Variants in DEPTOR observed in about 807,000 individuals in gnomAD.
DEPTOR encodes the protein DEP domain-containing mTOR-interacting protein.
In DEPTOR, 41 loss-of-function variants were observed where a neutral mutation model predicts 41.6. The ratio of observed to expected loss-of-function variants is 0.98; its 90% CI spans 0.77 to 1.28. The LOEUF (loss-of-function observed/expected upper bound fraction) is 1.28, where lower values mean the gene tolerates loss of function less well. DEPTOR is among the 50% of genes most tolerant of loss of function. DEPTOR has a pLI of 0.00. For synonymous variants in DEPTOR, 195 were observed against 192.3 expected, an observed-to-expected ratio of 1.01 and a Z score of -0.12; for missense variants, 514 against 527.9, an observed-to-expected ratio of 0.97 and a Z score of 0.26.
rs531822731 is a variant in DEPTOR, at chr8:120,030,418, T to TAGC, written c.1102-19156_1102-19154dup. 6.0e-5 allele frequency among the ~76,000 whole-genome samples: 9 copies of TAGC among 150,648 alleles called. No individual in the cohort carries two copies. The South Asian group carries it at 1.9e-3, about 32-fold the overall frequency. On this transcript the variant is annotated intron_variant, in intron 8 of 8. Coordinates refer to ENST00000286234, the MANE Select transcript of DEPTOR (RefSeq NM_022783.4). ...GTCATTATACATTTAACCAGAGCCA[T>TAGC]AGCATGTGCGACACTAAGAGTGACC...
intron 4 of DEPTOR, among the ~76,000 whole-genome samples, chr8:119,965,849 CCA>C (rs757253343): frequency 6.6e-6 from 1 of 152,124 alleles, no homozygotes; most frequent in Non-Finnish European, 1.5e-5. Flanking sequence ...ATGTAAGCTG[CCA>C]CAGTGAAGAG....
chr8:120,041,349 G>A (rs953084529), intron 8 of DEPTOR, among the ~76,000 whole-genome samples: 7 of 152,104 alleles, frequency 4.6e-5, no homozygotes, highest in Non-Finnish European at 8.8e-5. Flanking sequence ...GAGGATTATC[G>A]TACATCTGCC....
intron 1 of DEPTOR, among the ~76,000 whole-genome samples, chr8:119,903,391 C>T (rs943979309): frequency 2.0e-5 from 3 of 152,200 alleles, no homozygotes; most frequent in Admixed American, 1.3e-4. Flanking sequence ...AGCCACTGCA[C>T]CCAGCCAAAA....
intron 4 of DEPTOR, among the ~76,000 whole-genome samples, chr8:119,993,765 T>G: frequency 6.6e-6 from 1 of 150,960 alleles, no homozygotes; most frequent in South Asian, 2.1e-4. Flanking sequence ...TTCCATATCA[T>G]GGATTTTTTT....
At chr8:119,982,395 A>T (rs1828779922) in intron 4 of DEPTOR, among the ~76,000 whole-genome samples, 1 of 152,118 alleles carries the variant, frequency 6.6e-6, no homozygotes, top group African/African-American at 2.4e-5. Context: ...GGCTTCAAAG[A>T]GATAGAAAGT....
At chr8:119,967,396 T>C (rs977644482) in intron 4 of DEPTOR, among the ~76,000 whole-genome samples, 1 of 151,928 alleles carries the variant, frequency 6.6e-6, no homozygotes, top group Non-Finnish European at 1.5e-5. Flanking sequence ...GGGAGTCTTA[T>C]GACCTACAGT....
In DEPTOR at chr8:119,929,798, T is replaced by A. The variant is rs1320812255; in HGVS notation, c.302-17T>A. ...ATTTTTTTTCTCATTTGCTTCTCTGTGCATATTGTGTTTCAGTGTGTGATG... is the reference window on the plus strand; with the variant it reads ...ATTTTTTTTCTCATTTGCTTCTCTGAGCATATTGTGTTTCAGTGTGTGATG... On this transcript the variant is annotated splice_polypyrimidine_tract_variant and intron_variant, in intron 2 of 8. Coordinates refer to ENST00000286234, the MANE Select transcript of DEPTOR (RefSeq NM_022783.4). 6.3e-7 allele frequency: 1 copy of A among 1,595,980 alleles called. No homozygotes were observed. The highest frequency in any genetic ancestry group is 1.1e-5 in the South Asian group (1 of 89,346).
intron 3 of DEPTOR, among the ~76,000 whole-genome samples, chr8:119,938,969 C>CTCTT (rs1828165641): frequency 6.6e-6 from 1 of 151,186 alleles, no homozygotes; most frequent in Non-Finnish European, 1.5e-5. Flanking sequence ...CTCTCTCTCT[C>CTCTT]TCTCTGTGTT....
chr8:119,905,741 A>G (rs906661165), intron 1 of DEPTOR, among the ~76,000 whole-genome samples: 9 of 151,724 alleles, frequency 5.9e-5, no homozygotes, highest in Non-Finnish European at 1.3e-4. Flanking sequence ...CTCAGGTTCA[A>G]GCGATTCTCC....
At chr8:119,916,316 T>C (rs1348118615) in intron 1 of DEPTOR, among the ~76,000 whole-genome samples, 1 of 145,620 alleles carries the variant, frequency 6.9e-6, no homozygotes, top group Non-Finnish European at 1.5e-5. Flanking sequence ...AATGGGGGTT[T>C]CACCATATTG....
intron 4 of DEPTOR, among the ~76,000 whole-genome samples, chr8:119,995,759 T>C (rs9297609): frequency 0.66 from 99,520 of 151,922 alleles, 33,667 homozygotes; most frequent in Middle Eastern, 0.76. Flanking sequence ...AGGTGTCATA[T>C]TTCAATCACA....
chr8:119,878,291 A>G (rs1184470203), intron 1 of DEPTOR, among the ~76,000 whole-genome samples: 1 of 149,820 alleles, frequency 6.7e-6, no homozygotes, highest in Non-Finnish European at 1.5e-5. Context: ...CTGAGATTAC[A>G]GGCATGAGCT....
rs577916103 is a variant in DEPTOR at position 120,028,956 on chromosome 8, G to T, written c.1101+19823G>T. ...AAAAACTAGCCAGACGTGATGGCAT[G>T]TGCCTACTTGGGAGGCTGAAATAGG... On this transcript the variant is annotated intron_variant, in intron 8 of 8. Coordinates refer to ENST00000286234, the MANE Select transcript of DEPTOR (RefSeq NM_022783.4). Among the ~76,000 whole-genome samples, 3 of 151,742 alleles carry T rather than the reference G, an allele frequency of 2.0e-5. No individual in the cohort carries two copies. The South Asian group carries it at 6.3e-4, about 32-fold the overall frequency.
At chr8:119,989,599 A>G (rs1812115606) in intron 4 of DEPTOR, among the ~76,000 whole-genome samples, 1 of 151,814 alleles carries the variant, frequency 6.6e-6, no homozygotes, top group Non-Finnish European at 1.5e-5. Context: ...GGGAATCATA[A>G]TATGGGAATA....
intron 1 of DEPTOR, among the ~76,000 whole-genome samples, chr8:119,889,652 T>TGGGGA (rs1187756049): frequency 1.0e-4 from 1 of 9,560 alleles, no homozygotes; most frequent in African/African-American, 4.6e-4. Flanking sequence ...GAGGGGAGGA[T>TGGGGA]GGGGAGGGGA....
chr8:120,028,096 G>T (rs1213015046), intron 8 of DEPTOR, among the ~76,000 whole-genome samples: 1 of 152,154 alleles, frequency 6.6e-6, no homozygotes, highest in East Asian at 1.9e-4. Flanking sequence ...CAAACGGAAG[G>T]TGGTGTTCCA....
chr8:119,951,391 A>G (rs1157726978), intron 3 of DEPTOR, among the ~76,000 whole-genome samples: 1 of 152,150 alleles, frequency 6.6e-6, no homozygotes, highest in Admixed American at 6.6e-5. Context: ...TTTTGTGGTG[A>G]TGAAACCATA....
chr8:120,012,863 A>C (rs1812551571), intron 8 of DEPTOR, among the ~76,000 whole-genome samples: 4 of 151,894 alleles, frequency 2.6e-5, no homozygotes, highest in Admixed American at 2.6e-4. Flanking sequence ...ACAATCTTAT[A>C]AGATGATGGG....
intron 3 of DEPTOR, among the ~76,000 whole-genome samples, chr8:119,945,179 A>G (rs1345619051): frequency 1.3e-5 from 2 of 152,210 alleles, no homozygotes; most frequent in Admixed American, 1.3e-4. Context: ...AGATGAATGC[A>G]TGGTAATTCT....
Sources: allele counts gnomAD v4.1 joint callset (sites outside exome capture counted in the v4.1 genomes callset), GRCh38; gene constraint gnomAD v4.1.1; transcripts MANE v1.5; gene names NCBI Gene and HGNC (gene_info 2026-07-23, HGNC 2026-07-21).